SLC36A1: variants seen among roughly 807,000 people sequenced by gnomAD.
SLC36A1 encodes the protein proton-coupled amino acid transporter 1.
Under a neutral mutation model 47.5 loss-of-function variants are expected in SLC36A1, and 30 were observed. The observed-to-expected ratio is 0.63, with a 90% confidence interval of 0.47 to 0.86. The LOEUF is 0.86. Among genes scored for constraint, SLC36A1 ranks in the 40% least tolerant of loss-of-function variants. SLC36A1 has a pLI of 0.00. For missense variants in SLC36A1, 517 were observed against 606.0 expected (o/e 0.85, Z 1.54); for synonymous variants, 255 against 249.7 (o/e 1.02, Z -0.20).
the SLC36A1 span, among the ~76,000 whole-genome samples, chr5:151,429,048 C>T: frequency 6.6e-6 from 1 of 152,216 alleles, no homozygotes; most frequent in African/African-American, 2.4e-5. Flanking sequence ...GTTTGAGATA[C>T]TGCTCTGCAC....
At chr5:151,421,268 G>A in the SLC36A1 span, among the ~76,000 whole-genome samples, 1 of 137,866 alleles carries the variant, frequency 7.3e-6, no homozygotes, top group African/African-American at 2.8e-5. Flanking sequence ...TTTTTTCAAG[G>A]TCTGGCTCTG....
the SLC36A1 span, among the ~76,000 whole-genome samples, chr5:151,497,678 C>T: frequency 1.3e-5 from 2 of 152,160 alleles, no homozygotes; most frequent in African/African-American, 4.8e-5. Context: ...TTCTTTACCT[C>T]ACTATTACTG....
chr5:151,428,875 C>T, the SLC36A1 span, among the ~76,000 whole-genome samples: 20 of 152,322 alleles, frequency 1.3e-4, no homozygotes, highest in East Asian at 3.9e-4. Flanking sequence ...TCAGGTGATC[C>T]GCCCACCTTG....
In SLC36A1 at chr5:151,467,135, C is replaced by T; in HGVS notation, c.420-64C>T. On this transcript the variant is annotated intron_variant, in intron 5 of 10. Transcript: ENST00000243389. The stretch of plus-strand genomic sequence containing the variant: ...AAAAAACAAAAACAAAAAACACCTC[C>T]CCTTCTGGGAGCATTGCATTTGTAT... 6.2e-6 allele frequency: 8 copies of T among 1,283,876 alleles called. No individual in the cohort carries two copies. The South Asian group carries it at 1.0e-4, about 16-fold the overall frequency. The allele number at this position is 1,283,876 out of a possible 1,614,324, so 79.5% of individuals were successfully genotyped here.
the SLC36A1 span, among the ~76,000 whole-genome samples, chr5:151,359,849 C>T: frequency 6.6e-6 from 1 of 152,116 alleles, no homozygotes; most frequent in Non-Finnish European, 1.5e-5. Context: ...AGAAACAAAC[C>T]AATAGTTTGT....
At chr5:151,554,338 C>T in the SLC36A1 span, 11 of 1,596,332 alleles carry the variant, frequency 6.9e-6, no homozygotes, top group South Asian at 6.8e-5. Flanking sequence ...CTCCTCCCTC[C>T]GTGGCTTCCT....
At chr5:151,386,938 C>T in the SLC36A1 span, 1 of 152,266 alleles carries the variant, frequency 6.6e-6, no homozygotes, top group East Asian at 1.9e-4. Flanking sequence ...CTTAATTCCA[C>T]AAACATTTAC....
At chr5:151,482,668 G>A (rs77524907) in intron 10 of SLC36A1, among the ~76,000 whole-genome samples, 7,078 of 152,050 alleles carry the variant, frequency 0.047, 166 homozygotes, top group Non-Finnish European at 0.053. Flanking sequence ...TCATGACCTC[G>A]TGGTATTCCA....
the SLC36A1 span, among the ~76,000 whole-genome samples, chr5:151,413,691 G>T: frequency 1.3e-5 from 2 of 152,030 alleles, no homozygotes; most frequent in African/African-American, 4.8e-5. Context: ...TTAAGAAAGA[G>T]CTGTGTTGCT....
intron 1 of SLC36A1, among the ~76,000 whole-genome samples, chr5:151,442,256 A>G (rs1229361797): frequency 6.6e-6 from 1 of 152,196 alleles, no homozygotes; most frequent in East Asian, 1.9e-4. Context: ...GTGAATTGCC[A>G]TCTCCATCAT....
rs1412549718 is a variant in SLC36A1, at chr5:151,490,749, C to T, written c.*2495C>T. On this transcript the variant is annotated 3_prime_UTR_variant, in exon 11 of 11. Transcript: ENST00000243389. ...GAAGACCCAGGAAGGGCAGCTCCAG[C>T]CAGAGGACCTTCCTGGCTATGCAGG... The T allele has an allele frequency of 6.6e-6, 1 of 152,216 alleles. No homozygotes were observed. Among genetic ancestry groups the T allele is most frequent in the East Asian group, 1.9e-4 (1 of 5,194 alleles). 9.4% of individuals were successfully genotyped at this position (152,216 alleles called of 1,614,324 possible). A position where few individuals can be genotyped will look rare whatever the true frequency, so the allele number is the denominator to read the frequency against.
intron 1 of SLC36A1, among the ~76,000 whole-genome samples, chr5:151,458,091 G>A (rs1032103903): frequency 2.0e-5 from 3 of 151,406 alleles, no homozygotes; most frequent in Non-Finnish European, 2.9e-5. Flanking sequence ...CAGGTGATCC[G>A]CCCGCCTTGG....
At chr5:151,501,132 C>T in the SLC36A1 span, among the ~76,000 whole-genome samples, 1 of 152,124 alleles carries the variant, frequency 6.6e-6, no homozygotes, top group African/African-American at 2.4e-5. Flanking sequence ...TCTCTATGGG[C>T]CTTAGCATGT....
upstream of SLC36A1, among the ~76,000 whole-genome samples, chr5:151,435,042 A>T (rs1406575133): frequency 6.6e-6 from 1 of 152,230 alleles, no homozygotes; most frequent in Admixed American, 6.5e-5. Context: ...TCCAGAAATG[A>T]TGAAAGACAC....
chr5:151,536,863 C>T, the SLC36A1 span, among the ~76,000 whole-genome samples: 1 of 152,190 alleles, frequency 6.6e-6, no homozygotes, highest in Non-Finnish European at 1.5e-5. Context: ...CTCTGCCCAC[C>T]CTGGGGCCTC....
At position 151,476,702 on chromosome 5, in the gene SLC36A1, T is replaced by G; in HGVS notation, c.935T>G (p.Leu312Arg). 1 of 1,613,482 alleles carries G rather than the reference T, an allele frequency of 6.2e-7. No individual in the cohort carries two copies. The highest frequency in any genetic ancestry group is 2.2e-5 in the East Asian group (1 of 44,876). Residue 312 changes from leucine to arginine, a missense_variant, in exon 9 of 11, where the codon CTG (leucine) becomes CGG (arginine). Transcript: ENST00000243389. ...LYISLGCLGY[L>R]QFGANIQGSI... ...ATCAGCCTGGGGTGTCTGGGGTACCTGCAATTTGGAGCTAATATCCAAGGC... is the reference window on the plus strand; with the variant it reads ...ATCAGCCTGGGGTGTCTGGGGTACCGGCAATTTGGAGCTAATATCCAAGGC...
At chr5:151,391,138 G>T in the SLC36A1 span, among the ~76,000 whole-genome samples, 1 of 152,118 alleles carries the variant, frequency 6.6e-6, no homozygotes, top group Admixed American at 6.5e-5. Flanking sequence ...CTTGTAAGTT[G>T]GATTCCTAGG....
upstream of SLC36A1, among the ~76,000 whole-genome samples, chr5:151,444,854 TG>T (rs1752831793): frequency 6.6e-6 from 1 of 152,256 alleles, no homozygotes; most frequent in Admixed American, 6.5e-5. Flanking sequence ...TTTTAATCTT[TG>T]GGGTTTTCTA....
chr5:151,463,421 G>C, intron 2 of SLC36A1, 132 bp from the exon 3 acceptor site: 1 of 738,268 alleles, frequency 1.4e-6, no homozygotes, highest in Non-Finnish European at 2.3e-6. Context: ...TGAGCAAACT[G>C]CTTCATCATC....
Sources: allele counts gnomAD v4.1 joint callset (sites outside exome capture counted in the v4.1 genomes callset), GRCh38; gene constraint gnomAD v4.1.1; transcripts MANE v1.5; gene names NCBI Gene and HGNC (gene_info 2026-07-23, HGNC 2026-07-21).